The following TENM4 variants were observed in gnomAD, a reference collection of about 807,000 sequenced individuals.
TENM4 encodes teneurin-4.
Under a neutral mutation model 243.3 loss-of-function variants are expected in TENM4, and 82 were observed. The observed-to-expected ratio is 0.34, with a 90% CI of 0.28 to 0.40. The LOEUF (loss-of-function observed/expected upper bound fraction) is 0.40, where lower values mean the gene tolerates loss of function less well. Among genes scored for constraint, TENM4 ranks in the 10% least tolerant of loss-of-function variants. TENM4 has a pLI of 1.00. For synonymous variants in TENM4, 1,412 were observed against 1,456.3 expected, an observed-to-expected ratio of 0.97 and a Z score of 0.69; for missense variants, 3,138 against 3,673.3, an observed-to-expected ratio of 0.85 and a Z score of 3.77.
At position 79,003,720 on chromosome 11, in the gene TENM4, C is replaced by T. The variant is rs763978274; in HGVS notation, c.493+61018G>A. ...GCTAGATATTGTACAAGATGACCAT[C>T]CCCAAAGGTCTATGTACACACATAA... On this transcript the variant is annotated intron_variant, in intron 6 of 33. Coordinates refer to ENST00000278550, the MANE Select transcript of TENM4 (RefSeq NM_001098816.3). Among the ~76,000 whole-genome samples, 6 of 152,044 alleles carry T rather than the reference C, an allele frequency of 3.9e-5. 1 individual carries two copies. The highest frequency in any genetic ancestry group is 8.8e-5 in the Non-Finnish European group (6 of 68,008).
chr11:78,942,108 T>TA (rs34713120), intron 6 of TENM4, among the ~76,000 whole-genome samples: 6,327 of 119,012 alleles, frequency 0.053, 437 homozygotes, highest in African/African-American at 0.17. Context: ...GCTGATGAGC[T>TA]AAAAAAAAAA....
chr11:79,063,247 C>T (rs1860146901), intron 6 of TENM4, among the ~76,000 whole-genome samples: 1 of 152,192 alleles, frequency 6.6e-6, no homozygotes. Context: ...GGTTTTGCAC[C>T]ACTCAGTTGG....
At chr11:79,282,537 C>T (rs147256135) in intron 2 of TENM4, among the ~76,000 whole-genome samples, 2,281 of 152,284 alleles carry the variant, frequency 0.015, 25 homozygotes, top group Non-Finnish European at 0.021. Context: ...TCTGTTCTAA[C>T]CAATTTCAGC....
At chr11:79,290,270 G>T (rs575348635) in intron 2 of TENM4, among the ~76,000 whole-genome samples, 18 of 152,338 alleles carry the variant, frequency 1.2e-4, no homozygotes, top group Admixed American at 7.8e-4. Flanking sequence ...GGAGGATGAA[G>T]AATATGTGCT....
At chr11:78,836,554 A>G (rs1858121380) in intron 12 of TENM4, among the ~76,000 whole-genome samples, 1 of 152,222 alleles carries the variant, frequency 6.6e-6, no homozygotes, top group Non-Finnish European at 1.5e-5. Flanking sequence ...GGGGATTATT[A>G]CTGTAATGGT....
intron 1 of TENM4, among the ~76,000 whole-genome samples, chr11:79,315,192 C>T (rs1565295694): frequency 6.6e-6 from 1 of 152,102 alleles, no homozygotes; most frequent in Non-Finnish European, 1.5e-5. Context: ...CAGTAAGTCA[C>T]CAGGCAGGAA....
chr11:78,801,922 A>G (rs1591034358), intron 15 of TENM4, among the ~76,000 whole-genome samples: 1 of 152,176 alleles, frequency 6.6e-6, no homozygotes, highest in Non-Finnish European at 1.5e-5. Context: ...ATACTACAAG[A>G]ACTACTTTGC....
intron 1 of TENM4, among the ~76,000 whole-genome samples, chr11:79,339,755 GA>G (rs1857211729): frequency 6.6e-6 from 1 of 152,146 alleles, no homozygotes; most frequent in Non-Finnish European, 1.5e-5. Flanking sequence ...TATCAAAAGA[GA>G]AAGATGGAGG....
At chr11:79,330,734 G>A (rs1362621872) in intron 1 of TENM4, among the ~76,000 whole-genome samples, 2 of 152,190 alleles carry the variant, frequency 1.3e-5, no homozygotes, top group African/African-American at 2.4e-5. Flanking sequence ...CCTGGCAGAT[G>A]AGGAAAGGAG....
chr11:78,674,247 A>T (rs1858408568), intron 30 of TENM4, among the ~76,000 whole-genome samples: 1 of 152,212 alleles, frequency 6.6e-6, no homozygotes, highest in Non-Finnish European at 1.5e-5. Context: ...CCTCTTTATT[A>T]AAAAAGTTCC....
chr11:79,350,975 C>T (rs1229423909), intron 1 of TENM4, among the ~76,000 whole-genome samples: 1 of 152,070 alleles, frequency 6.6e-6, no homozygotes, highest in Admixed American at 6.6e-5. Flanking sequence ...TCCCTCAGAC[C>T]TCACTGCCTT....
At chr11:79,008,331 G>A (rs1028045334) in intron 6 of TENM4, among the ~76,000 whole-genome samples, 4 of 152,080 alleles carry the variant, frequency 2.6e-5, no homozygotes, top group African/African-American at 9.7e-5. Context: ...AGACAAATGG[G>A]TCCTACTCGT....
intron 2 of TENM4, among the ~76,000 whole-genome samples, chr11:79,280,247 C>T (rs922974710): frequency 1.3e-5 from 2 of 152,210 alleles, no homozygotes; most frequent in Non-Finnish European, 2.9e-5. Context: ...CCTTCCCTCT[C>T]TTCTCAAGTC....
intron 19 of TENM4, among the ~76,000 whole-genome samples, chr11:78,753,381 A>C (rs1475778199): frequency 6.6e-6 from 1 of 152,206 alleles, no homozygotes; most frequent in East Asian, 1.9e-4. Flanking sequence ...CAGGATTGTA[A>C]CTCTGGGCAC....
Position 79,091,534 on chromosome 11 carries a change from C to T in TENM4, c.-65-21525G>A, listed in dbSNP as rs1340684402. Among the ~76,000 whole-genome samples, 9 of 152,276 alleles carry T rather than the reference C, an allele frequency of 5.9e-5. No individual in the cohort carries two copies. In the East Asian group the frequency reaches 1.7e-3, roughly 29 times the overall value. On this transcript the variant is annotated intron_variant, in intron 4 of 33. Transcript: ENST00000278550. ...CCACAATCCTGTCCCTGCTCAGAAC[C>T]TTAAATGGTTCTCTACTGCCTAAAG...
At chr11:79,061,841 G>A (rs572630801) in intron 6 of TENM4, among the ~76,000 whole-genome samples, 52 of 152,208 alleles carry the variant, frequency 3.4e-4, no homozygotes, top group African/African-American at 1.2e-3. Context: ...TCTGGGCTGC[G>A]GTTTCCTTAC....
At chr11:78,713,860 A>G (rs1164807658) in intron 25 of TENM4, among the ~76,000 whole-genome samples, 2 of 152,178 alleles carry the variant, frequency 1.3e-5, no homozygotes, top group African/African-American at 4.8e-5. Flanking sequence ...TCTAGGGCAC[A>G]TCGGAGTTGA....
chr11:79,149,006 A>G (rs1014884564), intron 3 of TENM4, among the ~76,000 whole-genome samples, 200 bp from the exon 4 acceptor site: 1 of 152,186 alleles, frequency 6.6e-6, no homozygotes, highest in Non-Finnish European at 1.5e-5. Flanking sequence ...AGTAGCTACT[A>G]GCACAGTGCC....
At chr11:79,012,638 A>C (rs567817880) in intron 6 of TENM4, among the ~76,000 whole-genome samples, 1 of 152,330 alleles carries the variant, frequency 6.6e-6, no homozygotes, top group Admixed American at 6.5e-5. Flanking sequence ...CTTATTATCA[A>C]GGTAGTTTGC....
Sources: allele counts gnomAD v4.1 joint callset (sites outside exome capture counted in the v4.1 genomes callset), GRCh38; gene constraint gnomAD v4.1.1; transcripts MANE v1.5; gene names NCBI Gene and HGNC (gene_info 2026-07-23, HGNC 2026-07-21).